Variants in NR6A1 observed in about 807,000 individuals in gnomAD.
NR6A1 encodes nuclear receptor subfamily 6 group A member 1, also known as retinoic acid receptor-related testis-associated receptor.
In NR6A1, 7 loss-of-function variants were observed where a neutral mutation model predicts 59.1. The ratio of observed to expected loss-of-function variants is 0.12; its 90% CI spans 0.07 to 0.22. The LOEUF is 0.22. Among genes scored for constraint, NR6A1 ranks in the 10% least tolerant of loss-of-function variants. The probability of loss-of-function intolerance (pLI) is 1.00; values close to 1 mark genes in which losing one functional copy is unlikely to be tolerated. For synonymous variants in NR6A1, 243 were observed against 236.1 expected, an observed-to-expected ratio of 1.03 and a Z score of -0.27; for missense variants, 468 against 611.6, an observed-to-expected ratio of 0.77 and a Z score of 2.48.
chr9:124,628,627 C>T (rs1450063019), intron 2 of NR6A1, among the ~76,000 whole-genome samples: 4 of 151,856 alleles, frequency 2.6e-5, no homozygotes, highest in African/African-American at 4.8e-5. Flanking sequence ...AGGCATGAGC[C>T]ACCACGTCCA....
At chr9:124,669,499 A>G (rs1429588889) in intron 2 of NR6A1, among the ~76,000 whole-genome samples, 1 of 152,234 alleles carries the variant, frequency 6.6e-6, no homozygotes, top group Non-Finnish European at 1.5e-5. Context: ...GCCCTCTTAT[A>G]TCACAGAACA....
chr9:124,655,303 G>A (rs539530180), intron 2 of NR6A1, among the ~76,000 whole-genome samples: 2 of 152,186 alleles, frequency 1.3e-5, no homozygotes, highest in East Asian at 3.9e-4. Flanking sequence ...TTTGAACAAA[G>A]GTTCAAATCC....
chr9:124,570,937 C>T (rs886484256), intron 2 of NR6A1, among the ~76,000 whole-genome samples: 1 of 152,200 alleles, frequency 6.6e-6, no homozygotes, highest in Admixed American at 6.5e-5. Context: ...ATCATTGCAA[C>T]ATTTACTCAC....
chr9:124,573,464 G>A (rs766391732), intron 2 of NR6A1, among the ~76,000 whole-genome samples: 6 of 152,074 alleles, frequency 3.9e-5, no homozygotes, highest in Non-Finnish European at 8.8e-5. Flanking sequence ...ACCTAACTCC[G>A]CTCTCTGAGG....
intron 2 of NR6A1, among the ~76,000 whole-genome samples, chr9:124,685,565 A>AG (rs1255268018): frequency 6.6e-6 from 1 of 152,192 alleles, no homozygotes; most frequent in Non-Finnish European, 1.5e-5. Flanking sequence ...CCTGGGCCCA[A>AG]GTGATCCTCT....
At chr9:124,677,322 G>A (rs915110186) in intron 2 of NR6A1, among the ~76,000 whole-genome samples, 14 of 152,080 alleles carry the variant, frequency 9.2e-5, no homozygotes, top group Admixed American at 2.0e-4. Flanking sequence ...GTAGTGGCTT[G>A]ATCTCAGCTC....
chr9:124,713,646 A>G (rs1385159193), intron 2 of NR6A1, among the ~76,000 whole-genome samples: 1 of 152,238 alleles, frequency 6.6e-6, no homozygotes, highest in Admixed American at 6.5e-5. Context: ...AAAGATGCTC[A>G]ATATCACTAA....
At chr9:124,556,714 G>A (rs999599958) in intron 2 of NR6A1, among the ~76,000 whole-genome samples, 1 of 152,066 alleles carries the variant, frequency 6.6e-6, no homozygotes, top group African/African-American at 2.4e-5. Context: ...GCACACCTTG[G>A]CCTCCCAAAG....
chr9:124,603,589 T>C (rs1354274057), intron 2 of NR6A1, among the ~76,000 whole-genome samples: 1 of 152,192 alleles, frequency 6.6e-6, no homozygotes, highest in East Asian at 1.9e-4. Flanking sequence ...TAGAACCACC[T>C]GTTGCTGACG....
intron 2 of NR6A1, among the ~76,000 whole-genome samples, chr9:124,712,349 C>T (rs1477894698): frequency 6.6e-6 from 1 of 152,100 alleles, no homozygotes; most frequent in Non-Finnish European, 1.5e-5. Context: ...TGGCTCACAC[C>T]TGTAATCCCA....
chr9:124,731,784 C>T (rs1839890361), intron 2 of NR6A1, among the ~76,000 whole-genome samples: 1 of 152,180 alleles, frequency 6.6e-6, no homozygotes, highest in African/African-American at 2.4e-5. Context: ...GAATATAATA[C>T]ATATAACATA....
intron 2 of NR6A1, among the ~76,000 whole-genome samples, chr9:124,612,359 T>C (rs1312048221): frequency 6.6e-6 from 1 of 152,012 alleles, no homozygotes; most frequent in Admixed American, 6.6e-5. Context: ...TAAGGACAAA[T>C]CAGTGTGGAA....
chr9:124,704,336 G>C (rs1839059567), intron 2 of NR6A1, among the ~76,000 whole-genome samples: 1 of 152,106 alleles, frequency 6.6e-6, no homozygotes, highest in Non-Finnish European at 1.5e-5. Flanking sequence ...TTCTCAACTG[G>C]TTTTGTGCTT....
intron 2 of NR6A1, among the ~76,000 whole-genome samples, chr9:124,576,456 T>C (rs1021635234): frequency 1.3e-5 from 2 of 152,002 alleles, no homozygotes; most frequent in African/African-American, 4.8e-5. Context: ...CCCAGCTAAT[T>C]TTTTGTATTT....
intron 2 of NR6A1, among the ~76,000 whole-genome samples, chr9:124,559,040 T>C (rs912927283): frequency 6.6e-6 from 1 of 152,240 alleles, no homozygotes; most frequent in Non-Finnish European, 1.5e-5. Flanking sequence ...GGGTTATTCT[T>C]ATCTTATAGA....
intron 2 of NR6A1, among the ~76,000 whole-genome samples, chr9:124,634,531 CTT>C (rs1454346111): frequency 6.6e-6 from 1 of 151,858 alleles, no homozygotes; most frequent in Non-Finnish European, 1.5e-5. Context: ...TTTTAAGAGA[CTT>C]TATTTCTGCC....
intron 2 of NR6A1, among the ~76,000 whole-genome samples, chr9:124,561,651 C>G (rs565688927): frequency 3.3e-5 from 5 of 152,206 alleles, no homozygotes; most frequent in African/African-American, 1.2e-4. Flanking sequence ...GTGGTTCACA[C>G]CTGTAATCCC....
At chr9:124,680,084 GTA>G (rs1838092942) in intron 2 of NR6A1, among the ~76,000 whole-genome samples, 2 of 139,966 alleles carry the variant, frequency 1.4e-5, no homozygotes, top group Admixed American at 6.8e-5. Flanking sequence ...GTGTCTGTGT[GTA>G]TGTATGTGTG....
At chr9:124,687,758 T>G (rs1393554337) in intron 2 of NR6A1, among the ~76,000 whole-genome samples, 1 of 152,210 alleles carries the variant, frequency 6.6e-6, no homozygotes, top group Non-Finnish European at 1.5e-5. Context: ...ACCAAATGGT[T>G]GCTGGGAAAG....
Sources: allele counts gnomAD v4.1 joint callset (sites outside exome capture counted in the v4.1 genomes callset), GRCh38; gene constraint gnomAD v4.1.1; transcripts MANE v1.5; gene names NCBI Gene and HGNC (gene_info 2026-07-23, HGNC 2026-07-21).